Variants in MECOM observed in about 807,000 individuals in gnomAD.
MECOM encodes the protein MDS1 and EVI1 complex locus, also known as histone-lysine N-methyltransferase MECOM.
Under a neutral mutation model 116.3 loss-of-function variants are expected in MECOM, and 13 were observed. That is an observed-to-expected ratio of 0.11 (90% confidence interval 0.07 to 0.18). The LOEUF (loss-of-function observed/expected upper bound fraction) is 0.18, where lower values mean the gene tolerates loss of function less well. Among genes scored for constraint, MECOM ranks in the 10% least tolerant of loss-of-function variants. The probability of loss-of-function intolerance (pLI) is 1.00; values close to 1 mark genes in which losing one functional copy is unlikely to be tolerated. For synonymous variants in MECOM, 528 were observed against 535.2 expected (o/e 0.99, Z 0.19); for missense variants, 1,299 against 1,509.0 (o/e 0.86, Z 2.31).
At chr3:169,209,160 G>A (rs879328200) in intron 2 of MECOM, among the ~76,000 whole-genome samples, 2 of 152,102 alleles carry the variant, frequency 1.3e-5, no homozygotes, top group Admixed American at 1.3e-4. Flanking sequence ...AACTGAAACT[G>A]GACCCATTCC....
intron 1 of MECOM, among the ~76,000 whole-genome samples, chr3:169,640,635 C>G (rs150104739): frequency 6.6e-6 from 1 of 152,296 alleles, no homozygotes; most frequent in African/African-American, 2.4e-5. Flanking sequence ...TTTCAAAGTG[C>G]TAAGCACAGT....
At chr3:169,645,411 A>T (rs866351700) in intron 1 of MECOM, among the ~76,000 whole-genome samples, 31 of 152,238 alleles carry the variant, frequency 2.0e-4, no homozygotes, top group Admixed American at 5.9e-4. Context: ...CCAAAAGACA[A>T]AAGTGGCTAG....
intron 2 of MECOM, among the ~76,000 whole-genome samples, chr3:169,164,139 T>C (rs1339940317): frequency 6.6e-6 from 1 of 152,192 alleles, no homozygotes; most frequent in Non-Finnish European, 1.5e-5. Context: ...AAATCTCATC[T>C]TGTAGTTCCC....
chr3:169,618,679 T>TA (rs1426952095), intron 1 of MECOM, among the ~76,000 whole-genome samples: 3 of 151,860 alleles, frequency 2.0e-5, no homozygotes, highest in Admixed American at 6.6e-5. Context: ...AAAAATAAAA[T>TA]ACAGCTGATA....
chr3:169,090,594 G>A (rs908695416), intron 14 of MECOM, among the ~76,000 whole-genome samples: 15 of 151,920 alleles, frequency 9.9e-5, no homozygotes, highest in Non-Finnish European at 1.8e-4. Flanking sequence ...TAATTGCCAT[G>A]TAAGTACCCA....
intron 1 of MECOM, among the ~76,000 whole-genome samples, chr3:169,593,252 C>T (rs1766648646): frequency 6.6e-6 from 1 of 152,178 alleles, no homozygotes; most frequent in Admixed American, 6.5e-5. Context: ...TAGCCTCATC[C>T]TGCATGCTGT....
chr3:169,657,026 A>G (rs369779220), intron 1 of MECOM, among the ~76,000 whole-genome samples: 1 of 152,352 alleles, frequency 6.6e-6, no homozygotes, highest in African/African-American at 2.4e-5. Flanking sequence ...ACTTACAAGG[A>G]CATACACAGA....
chr3:169,426,908 T>C (rs955398848), intron 1 of MECOM, among the ~76,000 whole-genome samples: 3 of 152,216 alleles, frequency 2.0e-5, no homozygotes, highest in African/African-American at 7.2e-5. Flanking sequence ...ATTGTATGTA[T>C]ACACGTTAAA....
intron 1 of MECOM, among the ~76,000 whole-genome samples, chr3:169,629,845 G>A (rs578082056): frequency 2.6e-5 from 4 of 152,314 alleles, no homozygotes; most frequent in South Asian, 4.1e-4. Flanking sequence ...TGGAGTTAAC[G>A]GGGACACACT....
intron 1 of MECOM, among the ~76,000 whole-genome samples, chr3:169,429,243 C>A (rs781122755): frequency 6.6e-6 from 1 of 152,188 alleles, no homozygotes; most frequent in African/African-American, 2.4e-5. Flanking sequence ...AACTGCTGGA[C>A]AATTCAATCA....
At chr3:169,088,850 G>C in intron 16 of MECOM, 150 bp downstream of exon 16, 1 of 621,570 alleles carries the variant, frequency 1.6e-6, no homozygotes, top group Admixed American at 3.9e-5. Flanking sequence ...CATAAATACA[G>C]TAAAGATATG....
At chr3:169,265,912 A>AG (rs1310482138) in intron 2 of MECOM, among the ~76,000 whole-genome samples, 3 of 152,254 alleles carry the variant, frequency 2.0e-5, no homozygotes, top group South Asian at 4.2e-4. Flanking sequence ...TTCTTTACTC[A>AG]GGGGACAGAG....
intron 1 of MECOM, among the ~76,000 whole-genome samples, chr3:169,520,949 C>T (rs1307325577): frequency 6.6e-6 from 1 of 152,178 alleles, no homozygotes; most frequent in Non-Finnish European, 1.5e-5. Flanking sequence ...GAGATAAAAT[C>T]ACCCAATTTT....
At chr3:169,147,038 C>T in intron 2 of MECOM, 1 of 991,210 alleles carries the variant, frequency 1.0e-6, no homozygotes, top group Non-Finnish European at 1.2e-6. Flanking sequence ...CTGGGTGACC[C>T]GGGTTTGGTG....
At chr3:169,274,373 T>C (rs560674613) in intron 2 of MECOM, among the ~76,000 whole-genome samples, 2 of 152,340 alleles carry the variant, frequency 1.3e-5, no homozygotes, top group African/African-American at 4.8e-5. Context: ...TTCTGTAATG[T>C]ATATCATGAA....
At chr3:169,358,502 A>G (rs1727658866) in intron 2 of MECOM, among the ~76,000 whole-genome samples, 1 of 151,282 alleles carries the variant, frequency 6.6e-6, no homozygotes, top group African/African-American at 2.4e-5. Context: ...TATTACATCA[A>G]GAACTGTATG....
At chr3:169,516,767 T>C (rs1317510785) in intron 1 of MECOM, among the ~76,000 whole-genome samples, 1 of 152,238 alleles carries the variant, frequency 6.6e-6, no homozygotes, top group Non-Finnish European at 1.5e-5. Context: ...CAAATAGATA[T>C]GAGCGTCTTC....
At chr3:169,590,982 T>C (rs1455048404) in intron 1 of MECOM, among the ~76,000 whole-genome samples, 1 of 152,208 alleles carries the variant, frequency 6.6e-6, no homozygotes, top group Non-Finnish European at 1.5e-5. Flanking sequence ...CAATCTGCTT[T>C]AGAATTGATG....
intron 1 of MECOM, among the ~76,000 whole-genome samples, chr3:169,661,303 A>ACCCCCCCCCCCCC (rs1776252237): frequency 8.1e-6 from 1 of 123,566 alleles, no homozygotes; most frequent in Non-Finnish European, 1.7e-5. Flanking sequence ...ACTCCCGCCA[A>ACCCCCCCCCCCCC]CTCCCCCCCC....
Sources: allele counts gnomAD v4.1 joint callset (sites outside exome capture counted in the v4.1 genomes callset), GRCh38; gene constraint gnomAD v4.1.1; transcripts MANE v1.5; gene names NCBI Gene and HGNC (gene_info 2026-07-23, HGNC 2026-07-21).